RYR1: variants seen among roughly 807,000 people sequenced by gnomAD.
RYR1 encodes ryanodine receptor 1.
RYR1 carries 342 observed loss-of-function variants against 583.5 expected under a neutral mutation model. The observed-to-expected ratio is 0.59, with a 90% CI of 0.54 to 0.64. The LOEUF (loss-of-function observed/expected upper bound fraction) is 0.64, where lower values mean the gene tolerates loss of function less well. Among genes scored for constraint, RYR1 ranks in the 30% least tolerant of loss-of-function variants. RYR1 has a pLI of 0.00. For missense variants in RYR1, 6,032 were observed against 6,917.2 expected, an observed-to-expected ratio of 0.87 and a Z score of 4.54; for synonymous variants, 2,791 against 2,822.5, an observed-to-expected ratio of 0.99 and a Z score of 0.35.
chr19:38,486,702 A>G (rs773403210), intron 34 of RYR1, among the ~76,000 whole-genome samples: 1 of 151,908 alleles, frequency 6.6e-6, no homozygotes, highest in Non-Finnish European at 1.5e-5. Flanking sequence ...CTTTCCCTCC[A>G]TCTGCTCACC....
intron 65 of RYR1, among the ~76,000 whole-genome samples, chr19:38,517,043 T>C (rs1262475603): frequency 6.6e-6 from 1 of 151,794 alleles, no homozygotes; most frequent in African/African-American, 2.4e-5. Flanking sequence ...AAGGTCTCTT[T>C]TGGAGTATGC....
chr19:38,543,443 C>G lies in RYR1; in HGVS notation c.11778+8C>G, dbSNP rs921454906. ...TACCTCCTGCGGCTGCAGGTGAGGACGTGAGACGGTTCAGGTGTGACTTGG... is the reference window on the plus strand; with the variant it reads ...TACCTCCTGCGGCTGCAGGTGAGGAGGTGAGACGGTTCAGGTGTGACTTGG... On this transcript the variant is annotated splice_region_variant and intron_variant, in intron 85 of 105. Coordinates refer to ENST00000359596, the MANE Select transcript of RYR1 (RefSeq NM_000540.3). This position sits in a 1 kb window ranked among gnomAD's most constrained non-coding sequence, Gnocchi z 4.4. 6.2e-7 allele frequency: 1 copy of G among 1,614,220 alleles called. No homozygotes were observed.
intron 19 of RYR1, 105 bp downstream of exon 19, chr19:38,459,443 C>G (rs1401427863): frequency 1.6e-5 from 18 of 1,100,490 alleles, no homozygotes; most frequent in African/African-American, 3.1e-5. Flanking sequence ...GACACTGCAG[C>G]CTACCATCAA....
chr19:38,452,981 C>A lies in RYR1; in HGVS notation c.1407C>A (p.Ser469Arg). 1 of 1,613,916 alleles carries A rather than the reference C, an allele frequency of 6.2e-7. No individual in the cohort carries two copies. The highest frequency in any genetic ancestry group is 1.1e-5 in the South Asian group (1 of 91,080). The change falls in exon 13 of 106, where the codon AGC (serine) becomes AGA (arginine). Residue 469 changes from serine to arginine, a missense_variant. Ser to Arg is a moderately radical substitution (Grantham distance 110). Around this residue, in one of 11 missense-constraint regions of RYR1, gnomAD observed 2,627 missense variants for 2,961.3 expected, o/e 0.89. Transcript: ENST00000359596. ...AGGAGAAGCAGAGCAAGCTGCGAAG[C>A]CTGCGCAACCGCCAGAGCCTCTTCC... is the stretch of plus-strand genomic sequence containing the variant. ...QHEEKQSKLR[S>R]LRNRQSLFQE...
At chr19:38,488,838 T>C (rs899478970) in intron 34 of RYR1, among the ~76,000 whole-genome samples, 5 of 152,210 alleles carry the variant, frequency 3.3e-5, no homozygotes, top group African/African-American at 4.8e-5. Flanking sequence ...AGAGCTGGTG[T>C]ATGCTGGGAG....
In RYR1 at chr19:38,496,850, G is replaced by GT. The variant is rs1555782381; in HGVS notation, c.6797-10_6797-9insT. 1.2e-6 allele frequency: 2 copies of GT among 1,609,392 alleles called. No individual in the cohort carries two copies. Among genetic ancestry groups the GT allele is most frequent in the Middle Eastern group, 1.7e-4 (1 of 6,052 alleles). Reference sequence around the variant, plus strand: ...GAGTGAGATGTTCTCCCCACCTCTCGCCCCTGCAGGCATGCAGGGCTCCAC... The same window carrying GT: ...GAGTGAGATGTTCTCCCCACCTCTCGTCCCCTGCAGGCATGCAGGGCTCCAC... On this transcript the variant is annotated splice_polypyrimidine_tract_variant and intron_variant, in intron 41 of 105. Coordinates refer to ENST00000359596, the MANE Select transcript of RYR1 (RefSeq NM_000540.3). The surrounding 1 kb of genome is among the most constrained non-coding windows in gnomAD (Gnocchi z 4.8).
chr19:38,489,065 C>A, intron 34 of RYR1, 112 bp from the exon 35 acceptor site: 2 of 949,784 alleles, frequency 2.1e-6, no homozygotes, highest in South Asian at 1.3e-5. Context: ...TCGGATCAGC[C>A]AATGCAGGAA....
chr19:38,579,174 A>T (rs1974088528), intron 99 of RYR1, among the ~76,000 whole-genome samples: 2 of 152,014 alleles, frequency 1.3e-5, no homozygotes, highest in African/African-American at 4.8e-5. Flanking sequence ...TAATCCCAGC[A>T]CTTTGGGTTG....
At position 38,473,506 on chromosome 19, in the gene RYR1, C is replaced by G. The variant is rs1968541910; in HGVS notation, c.3895C>G (p.His1299Asp). ...RLSLPVQFHQHFRCTAGATPL... is the reference protein window; with the variant it reads ...RLSLPVQFHQDFRCTAGATPL... ...GAGCCTCCCAGTCCAGTTCCACCAG[C>G]ACTTCCGCTGCACTGCAGGGGCCAC... The change falls in exon 28 of 106, where the codon CAC becomes GAC. Residue 1299 changes from histidine (H) to aspartate (D), a missense_variant. Physicochemically the swap from His to Asp is moderately conservative, Grantham distance 81. Coordinates refer to ENST00000359596, the MANE Select transcript of RYR1 (RefSeq NM_000540.3). 5 of 1,613,574 alleles carry G rather than the reference C, an allele frequency of 3.1e-6. No homozygotes were observed. The highest frequency in any genetic ancestry group is 4.2e-6 in the Non-Finnish European group (5 of 1,179,824).
At chr19:38,537,755 C>A in intron 83 of RYR1, 125 bp from the exon 84 acceptor site, 1 of 918,230 alleles carries the variant, frequency 1.1e-6, no homozygotes, top group Non-Finnish European at 1.8e-6. Context: ...GGAGTGGCAG[C>A]TGCTCCTCCC....
Position 38,463,796 on chromosome 19 carries a change from G to A in RYR1, c.2732G>A (p.Ser911Asn). Residue 911 changes from serine (S) to asparagine (N), a missense_variant, in exon 22 of 106, where the codon AGC (serine) becomes AAC (asparagine). Ser to Asn is a conservative substitution (Grantham distance 46, BLOSUM62 1). Around this residue, in one of 11 missense-constraint regions of RYR1, gnomAD observed 2,627 missense variants for 2,961.3 expected, o/e 0.89. Transcript: ENST00000359596. The stretch of plus-strand genomic sequence containing the variant: ...CACCCGTGTCTTGTGGACTTCCACA[G>A]CCTTCCAGAGCCTGAGAGGAACTAC... ...RLHPCLVDFHSLPEPERNYNL... is the reference protein window; with the variant it reads ...RLHPCLVDFHNLPEPERNYNL... 2 of 1,614,120 alleles carry A rather than the reference G, an allele frequency of 1.2e-6. No individual in the cohort carries two copies. The highest frequency in any genetic ancestry group is 1.7e-6 in the Non-Finnish European group (2 of 1,180,014).
chr19:38,582,693 A>G (rs1300001923), intron 101 of RYR1, among the ~76,000 whole-genome samples: 1 of 152,142 alleles, frequency 6.6e-6, no homozygotes. Flanking sequence ...CCAGCGTTCA[A>G]TGCACATTTA....
rs1316766659 is a variant in RYR1, at chr19:38,499,970, A to G, written c.7277A>G (p.Tyr2426Cys). ...CTGGGACACGCCATCATGTCCTTCT[A>G]TGCCGCCTTGATCGACCTGCTCGGA... ...VHLGHAIMSF[Y>C]AALIDLLGRC... Residue 2426 changes from tyrosine to cysteine, a missense_variant, in exon 45 of 106, where the codon TAT (tyrosine) becomes TGT (cysteine). Around this residue, in one of 11 missense-constraint regions of RYR1, gnomAD observed 2,627 missense variants for 2,961.3 expected, o/e 0.89. Transcript: ENST00000359596. This position sits in a 1 kb window ranked among gnomAD's most constrained non-coding sequence, Gnocchi z 7.3. 5 of 1,614,068 alleles carry G rather than the reference A, an allele frequency of 3.1e-6. No homozygotes were observed. Among genetic ancestry groups the G allele is most frequent in the Non-Finnish European group, 4.2e-6 (5 of 1,180,002 alleles).
intron 78 of RYR1, among the ~76,000 whole-genome samples, chr19:38,534,005 ATTTTT>A (rs71165556): frequency 7.8e-6 from 1 of 127,436 alleles, no homozygotes; most frequent in African/African-American, 2.9e-5. Flanking sequence ...ACCATCTGTA[ATTTTT>A]TTTTTTTTTT....
intron 1 of RYR1, among the ~76,000 whole-genome samples, chr19:38,434,350 G>A (rs1463276009): frequency 1.3e-5 from 2 of 152,112 alleles, no homozygotes; most frequent in Non-Finnish European, 2.9e-5. Flanking sequence ...TAGCCCTTGA[G>A]GGTCTTGTGG....
Position 38,448,762 on chromosome 19 carries a change from C to G in RYR1, c.1071C>G (p.Thr357=), listed in dbSNP as rs77654389. 3 of 1,614,102 alleles carry G rather than the reference C, an allele frequency of 1.9e-6. No individual in the cohort carries two copies. The African/African-American group carries it at 4.0e-5, about 22-fold the overall frequency. The change falls in exon 11 of 106, where the codon ACC becomes ACG. Residue 357 remains threonine, a synonymous_variant. Coordinates refer to ENST00000359596, the MANE Select transcript of RYR1 (RefSeq NM_000540.3). ...VQHVASGLWL[T]YAAPDPKALR... is the part of the protein sequence containing the mutation. ...ATGTGGCCTCAGGACTGTGGCTCAC[C>G]TATGCTGCTCCAGACCCCAAGGCCC...
At chr19:38,548,182 G>C in intron 88 of RYR1, 51 bp from the exon 89 acceptor site, 1 of 1,607,454 alleles carries the variant, frequency 6.2e-7, no homozygotes, top group Non-Finnish European at 8.5e-7. Context: ...AGCCTGGTGG[G>C]GCCCCAGAAG....
Position 38,527,659 on chromosome 19 carries a change from C to G in RYR1, c.10699C>G (p.Pro3567Ala). The G allele has an allele frequency of 6.2e-7, 1 of 1,614,128 alleles. No individual in the cohort carries two copies. The highest frequency in any genetic ancestry group is 8.5e-7 in the Non-Finnish European group (1 of 1,180,026). The part of the protein sequence containing the change: ...LHLQGKVEGS[P>A]SLRWQMALYR... ...TTCCTCCCTTCAGGTCGAAGGCTCCCCGTCTCTGCGCTGGCAGATGGCTCT... is the reference window on the plus strand; with the variant it reads ...TTCCTCCCTTCAGGTCGAAGGCTCCGCGTCTCTGCGCTGGCAGATGGCTCT... Residue 3567 changes from proline to alanine, a missense_variant, in exon 73 of 106, where the codon CCG becomes GCG. Pro to Ala is a conservative substitution (Grantham distance 27). This residue lies in a region of RYR1 where 1,493 missense variants were observed against 1,715.5 expected (regional missense o/e 0.87). Coordinates refer to ENST00000359596, the MANE Select transcript of RYR1 (RefSeq NM_000540.3).
chr19:38,581,448 G>T (rs1232762661), intron 101 of RYR1, among the ~76,000 whole-genome samples: 1 of 151,946 alleles, frequency 6.6e-6, no homozygotes, highest in Non-Finnish European at 1.5e-5. Flanking sequence ...TGCCTGTGCC[G>T]TCGTGATCTG....
Sources: gnomAD v4.1 joint callset for allele counts (sites outside exome capture counted in the v4.1 genomes callset) on GRCh38, gnomAD v4.1.1 for gene constraint, gnomAD v4.1.1 regional missense constraint, Gnocchi (gnomAD v3.1) non-coding constraint, MANE v1.5 for transcripts, NCBI Gene and HGNC (gene_info 2026-07-23, HGNC 2026-07-21) for gene names.